ELOVL6: variants seen among roughly 807,000 people sequenced by gnomAD.
ELOVL6 encodes very long chain fatty acid elongase 6.
In ELOVL6, 8 loss-of-function variants were observed where a neutral mutation model predicts 31.7. The ratio of observed to expected loss-of-function variants is 0.25; its 90% CI spans 0.15 to 0.45. The LOEUF (loss-of-function observed/expected upper bound fraction) is 0.45, where lower values mean the gene tolerates loss of function less well. ELOVL6 is among the 20% of genes least tolerant of loss of function. The pLI is 1.00. For synonymous variants in ELOVL6, 101 were observed against 117.7 expected, an observed-to-expected ratio of 0.86 and a Z score of 0.92; for missense variants, 126 against 326.4, an observed-to-expected ratio of 0.39 and a Z score of 4.73.
At chr4:110,122,662 G>A (rs1328223124) in intron 1 of ELOVL6, among the ~76,000 whole-genome samples, 2 of 152,206 alleles carry the variant, frequency 1.3e-5, no homozygotes, top group Non-Finnish European at 2.9e-5. Flanking sequence ...ACAGGTGTGA[G>A]GCACTGCACC....
chr4:110,145,697 TAA>T (rs34563907), intron 1 of ELOVL6, among the ~76,000 whole-genome samples: 102,081 of 150,118 alleles, frequency 0.68, 34,876 homozygotes, highest in Non-Finnish European at 0.72. Flanking sequence ...AGAGACTGTC[TAA>T]AAAAAAAAAA....
intron 3 of ELOVL6, among the ~76,000 whole-genome samples, chr4:110,058,861 C>G (rs1296983708): frequency 6.6e-6 from 1 of 152,140 alleles, no homozygotes; most frequent in African/African-American, 2.4e-5. Flanking sequence ...GCTAGCATTA[C>G]TCATGGATGT....
chr4:110,189,495 G>A (rs1204290120), intron 1 of ELOVL6, among the ~76,000 whole-genome samples: 2 of 150,492 alleles, frequency 1.3e-5, no homozygotes, highest in Non-Finnish European at 2.9e-5. Flanking sequence ...GCTGAGGCAG[G>A]GGAACTGCTT....
intron 2 of ELOVL6, among the ~76,000 whole-genome samples, chr4:110,101,173 A>G (rs1964210): frequency 0.31 from 46,809 of 151,730 alleles, 8,255 homozygotes; most frequent in East Asian, 0.7. Flanking sequence ...CCGAGTAGCT[A>G]GGATTACAGG....
intron 1 of ELOVL6, among the ~76,000 whole-genome samples, chr4:110,191,862 C>T (rs752001098): frequency 2.1e-4 from 32 of 151,974 alleles, no homozygotes; most frequent in Non-Finnish European, 3.5e-4. Flanking sequence ...TCAAAACCTC[C>T]GTCCCCCTCA....
chr4:110,123,452 G>A (rs748482760), intron 1 of ELOVL6, among the ~76,000 whole-genome samples: 3 of 152,206 alleles, frequency 2.0e-5, no homozygotes, highest in Non-Finnish European at 2.9e-5. Flanking sequence ...AAAAAACCCC[G>A]TCCTCGTGGA....
chr4:110,139,044 A>G (rs1757881762), intron 1 of ELOVL6, among the ~76,000 whole-genome samples: 1 of 152,148 alleles, frequency 6.6e-6, no homozygotes, highest in South Asian at 2.1e-4. Context: ...AAAAGTTCTT[A>G]TCTTGCAGGG....
At chr4:110,099,236 A>G (rs1756675466) in intron 2 of ELOVL6, among the ~76,000 whole-genome samples, 1 of 147,630 alleles carries the variant, frequency 6.8e-6, no homozygotes, top group African/African-American at 2.5e-5. Flanking sequence ...ATTAAATACC[A>G]TTCATCTACT....
intron 1 of ELOVL6, among the ~76,000 whole-genome samples, chr4:110,138,215 T>C (rs770488874): frequency 3.2e-4 from 49 of 152,362 alleles, no homozygotes; most frequent in Non-Finnish European, 5.3e-4. Context: ...ACCACTGAAA[T>C]AGCAACCTCT....
intron 1 of ELOVL6, among the ~76,000 whole-genome samples, chr4:110,187,222 C>A (rs1759475828): frequency 6.6e-6 from 1 of 151,660 alleles, no homozygotes; most frequent in Admixed American, 6.6e-5. Context: ...AAACAAATTT[C>A]TTCTGATTAA....
At chr4:110,174,492 A>T (rs1759043262) in intron 1 of ELOVL6, among the ~76,000 whole-genome samples, 1 of 152,122 alleles carries the variant, frequency 6.6e-6, no homozygotes, top group Non-Finnish European at 1.5e-5. Context: ...ATATATTCTC[A>T]TAATAATGAA....
chr4:110,084,122 C>T (rs1318866058), intron 2 of ELOVL6, among the ~76,000 whole-genome samples: 8 of 71,886 alleles, frequency 1.1e-4, no homozygotes, highest in African/African-American at 3.4e-4. Context: ...ATATATATAA[C>T]ATATATGTGA....
At chr4:110,077,982 G>A (rs1420808700) in intron 2 of ELOVL6, among the ~76,000 whole-genome samples, 1 of 152,058 alleles carries the variant, frequency 6.6e-6, no homozygotes, top group Non-Finnish European at 1.5e-5. Context: ...TGGAAGAAAC[G>A]GTATCAGAGA....
At chr4:110,054,407 G>A (rs920628141) in intron 3 of ELOVL6, among the ~76,000 whole-genome samples, 2 of 152,156 alleles carry the variant, frequency 1.3e-5, no homozygotes, top group Non-Finnish European at 2.9e-5. Flanking sequence ...CAATCCCTCT[G>A]TGGACAATAA....
At chr4:110,171,881 G>C (rs765620203) in intron 1 of ELOVL6, among the ~76,000 whole-genome samples, 29 of 151,728 alleles carry the variant, frequency 1.9e-4, no homozygotes, top group Non-Finnish European at 1.0e-4. Context: ...GTAGAGACAA[G>C]GTCTCACTAT....
Position 110,189,393 on chromosome 4 carries a change from C to T in ELOVL6, c.89+8854G>A, listed in dbSNP as rs570492044. On this transcript the variant is annotated intron_variant, in intron 1 of 3. Coordinates refer to ENST00000302274, the MANE Select transcript of ELOVL6 (RefSeq NM_024090.3). Reference sequence around the variant, plus strand: ...CTTGAGGCCAGGAGTTCGAGACCAGCCTGGCCAACATGGTGAAACCCCGTC... The same window carrying T: ...CTTGAGGCCAGGAGTTCGAGACCAGTCTGGCCAACATGGTGAAACCCCGTC... 1.3e-3 allele frequency among the ~76,000 whole-genome samples: 199 copies of T among 149,900 alleles called. 2 individuals are homozygous for T. The highest frequency in any genetic ancestry group is 4.8e-3 in the African/African-American group (195 of 40,804).
chr4:110,123,584 T>C (rs1337550277), intron 1 of ELOVL6, among the ~76,000 whole-genome samples: 1 of 151,928 alleles, frequency 6.6e-6, no homozygotes, highest in Non-Finnish European at 1.5e-5. Flanking sequence ...GAAAATGGGA[T>C]GGAGAGTGAG....
intron 1 of ELOVL6, among the ~76,000 whole-genome samples, chr4:110,174,251 C>A (rs1759035934): frequency 6.6e-6 from 1 of 151,116 alleles, no homozygotes; most frequent in Admixed American, 6.6e-5. Flanking sequence ...GCAACCTCCA[C>A]CTCCGCAACT....
At chr4:110,130,322 A>G (rs964491841) in intron 1 of ELOVL6, among the ~76,000 whole-genome samples, 1 of 152,172 alleles carries the variant, frequency 6.6e-6, no homozygotes, top group Non-Finnish European at 1.5e-5. Context: ...AGAACTAGCA[A>G]GCCAATTCCT....
Sources: gnomAD v4.1 joint callset for allele counts (sites outside exome capture counted in the v4.1 genomes callset) on GRCh38, gnomAD v4.1.1 for gene constraint, MANE v1.5 for transcripts, NCBI Gene and HGNC (gene_info 2026-07-23, HGNC 2026-07-21) for gene names.